BBX: variants seen among roughly 807,000 people sequenced by gnomAD.
BBX encodes BBX high mobility group box domain containing.
BBX carries 30 observed loss-of-function variants against 100.2 expected under a neutral mutation model. That is an observed-to-expected ratio of 0.30 (90% CI 0.22 to 0.41). The LOEUF (loss-of-function observed/expected upper bound fraction) is 0.41, where lower values mean the gene tolerates loss of function less well. Ranked by LOEUF, BBX falls within the 10% of genes least tolerant of loss-of-function variation. BBX has a pLI of 1.00. For missense variants in BBX, 1,023 were observed against 1,129.8 expected (o/e 0.91, Z 1.35); for synonymous variants, 376 against 388.1 (o/e 0.97, Z 0.37).
At chr3:107,711,358 G>T (rs190439408) in intron 4 of BBX, 1 of 470,774 alleles carries the variant, frequency 2.1e-6, no homozygotes, top group African/African-American at 2.0e-5. Flanking sequence ...ATGGTGCCTG[G>T]CACATAGTAG....
chr3:107,612,483 T>A (rs184890783), intron 2 of BBX, among the ~76,000 whole-genome samples: 283 of 152,302 alleles, frequency 1.9e-3, no homozygotes, highest in African/African-American at 6.2e-3. Flanking sequence ...ATGCTGTGGT[T>A]CTTGCAGATT....
At chr3:107,598,909 C>T (rs1559857589) in intron 2 of BBX, among the ~76,000 whole-genome samples, 1 of 152,132 alleles carries the variant, frequency 6.6e-6, no homozygotes, top group Non-Finnish European at 1.5e-5. Context: ...TTCTTACCCG[C>T]TGGCAGACAC....
intron 3 of BBX, among the ~76,000 whole-genome samples, chr3:107,704,980 C>T (rs2061309792): frequency 6.6e-6 from 1 of 152,142 alleles, no homozygotes; most frequent in South Asian, 2.1e-4. Flanking sequence ...AGGAGAAAGG[C>T]TTCAAATTTG....
At position 107,722,308 on chromosome 3, in the gene BBX, A is replaced by G. The variant is rs550151111; in HGVS notation, c.405+5459A>G. On this transcript the variant is annotated intron_variant, in intron 5 of 17. Transcript: ENST00000325805. ...AACTCATTTTGGTATTTGGTTTCAG[A>G]TGTTAATTTTTAGATTGACAGATCT... Among the ~76,000 whole-genome samples, 17 of 152,136 alleles carry G rather than the reference A, an allele frequency of 1.1e-4. No homozygotes were observed. The Middle Eastern group carries it at 0.01, about 91-fold the overall frequency.
chr3:107,766,579 C>A lies in BBX; in HGVS notation c.907-6049C>A, dbSNP rs1244985500. On this transcript the variant is annotated intron_variant, in intron 10 of 17. Coordinates refer to ENST00000325805, the MANE Select transcript of BBX (RefSeq NM_001142568.3). ...AGTGGGGGGCAAGGAAAATTATGAT[C>A]AAACCAAAAAGTATAGGTAAAAAAA... is the stretch of plus-strand genomic sequence containing the variant. 1.3e-5 allele frequency among the ~76,000 whole-genome samples: 2 copies of A among 151,660 alleles called. 1 individual carries two copies. Among genetic ancestry groups the A allele is most frequent in the Non-Finnish European group, 2.9e-5 (2 of 67,912 alleles).
intron 13 of BBX, among the ~76,000 whole-genome samples, chr3:107,783,519 T>G: frequency 6.6e-6 from 1 of 152,122 alleles, no homozygotes; most frequent in Non-Finnish European, 1.5e-5. Flanking sequence ...CAAATCATTT[T>G]GCTTCTGTGA....
At chr3:107,678,319 G>A (rs2059389904) in intron 3 of BBX, among the ~76,000 whole-genome samples, 2 of 152,038 alleles carry the variant, frequency 1.3e-5, no homozygotes, top group Non-Finnish European at 2.9e-5. Context: ...GAGAGCACTG[G>A]ATTAAAGCAG....
At chr3:107,718,076 A>T (rs959919871) in intron 5 of BBX, among the ~76,000 whole-genome samples, 14 of 151,586 alleles carry the variant, frequency 9.2e-5, no homozygotes, top group Non-Finnish European at 1.5e-4. Flanking sequence ...ATAAAAATTT[A>T]AAAAAATACC....
At chr3:107,643,687 TG>T (rs1334330192) in intron 2 of BBX, among the ~76,000 whole-genome samples, 2 of 152,190 alleles carry the variant, frequency 1.3e-5, no homozygotes, top group African/African-American at 4.8e-5. Flanking sequence ...CTGGCCCACC[TG>T]CCTTTCTGAT....
chr3:107,808,616 T>C lies in BBX; in HGVS notation c.*3159T>C, dbSNP rs2071173388. On this transcript the variant is annotated 3_prime_UTR_variant, in exon 18 of 18. Transcript: ENST00000325805. The stretch of plus-strand genomic sequence containing the variant: ...AGAAGCTGAGTGAAAGAAAAAATAC[T>C]GTAAGACATCCTTAAAGTTTTTATT... 1 of 152,210 alleles carries C rather than the reference T, an allele frequency of 6.6e-6. No individual in the cohort carries two copies. The highest frequency in any genetic ancestry group is 1.5e-5 in the Non-Finnish European group (1 of 68,040). 9.4% of individuals were successfully genotyped at this position (152,210 alleles called of 1,614,324 possible).
In BBX at chr3:107,809,894, A is replaced by C. The variant is rs948589532; in HGVS notation, c.*4437A>C. ...GTTTTGAGTTTTTGGATTTTTAAAAATTATCTTATTTAGATTGACTAACAG... is the reference window on the plus strand; with the variant it reads ...GTTTTGAGTTTTTGGATTTTTAAAACTTATCTTATTTAGATTGACTAACAG... On this transcript the variant is annotated 3_prime_UTR_variant, in exon 18 of 18. Transcript: ENST00000325805. 1 of 152,208 alleles carries C rather than the reference A, an allele frequency of 6.6e-6. No homozygotes were observed. The highest frequency in any genetic ancestry group is 1.5e-5 in the Non-Finnish European group (1 of 68,040). The allele number at this position is 152,208 out of a possible 1,614,324, so 9.4% of individuals were successfully genotyped here.
At chr3:107,592,110 A>G (rs1041100048) in intron 2 of BBX, among the ~76,000 whole-genome samples, 6 of 152,180 alleles carry the variant, frequency 3.9e-5, no homozygotes, top group African/African-American at 9.7e-5. Context: ...CCAGTTTAGT[A>G]TGACTTTCAT....
chr3:107,663,157 C>T (rs995880375), intron 3 of BBX, among the ~76,000 whole-genome samples: 3 of 152,128 alleles, frequency 2.0e-5, no homozygotes, highest in African/African-American at 7.2e-5. Context: ...ATTAGACTCT[C>T]TGTATGTCCC....
intron 3 of BBX, among the ~76,000 whole-genome samples, chr3:107,689,935 T>G (rs2060055879): frequency 6.6e-6 from 1 of 152,208 alleles, no homozygotes; most frequent in Non-Finnish European, 1.5e-5. Context: ...GAGGCGCCTC[T>G]CAAATGGGCA....
chr3:107,755,784 T>TTA, intron 10 of BBX, 106 bp downstream of exon 10: 1 of 928,630 alleles, frequency 1.1e-6, no homozygotes, highest in Non-Finnish European at 1.6e-6. Context: ...GACCATAAAA[T>TTA]GAGTTACATC....
chr3:107,740,046 A>G (rs886124337), intron 7 of BBX, among the ~76,000 whole-genome samples: 4 of 152,014 alleles, frequency 2.6e-5, no homozygotes, highest in Non-Finnish European at 5.9e-5. Flanking sequence ...GTGTTCTTCC[A>G]TTTAGCCAGA....
rs1041552506 is a variant in BBX, at chr3:107,659,836, G to A, written c.-10+13927G>A. The A allele has an allele frequency of 3.1e-6, 3 of 973,260 alleles. No individual in the cohort carries two copies. The East Asian group carries it at 2.0e-4, about 65-fold the overall frequency. 60.3% of individuals were successfully genotyped at this position (973,260 alleles called of 1,614,324 possible). A position where few individuals can be genotyped will look rare whatever the true frequency, so the allele number is the denominator to read the frequency against. On this transcript the variant is annotated intron_variant, in intron 3 of 17. Transcript: ENST00000325805. ...AGACTAGAAATGCTGTTCTAGAAAT[G>A]CATCAGTTCCTAGCAAGAGGTTTAT...
rs1013670568 is a variant in BBX, at chr3:107,805,845, CAAAACAAAAAA to C, written c.*399_*409del. 4 of 203,516 alleles carry C rather than the reference CAAAACAAAAAA, an allele frequency of 2.0e-5. No individual in the cohort carries two copies. Among genetic ancestry groups the C allele is most frequent in the Admixed American group, 5.8e-5 (1 of 17,260 alleles). 12.6% of individuals were successfully genotyped at this position (203,516 alleles called of 1,614,324 possible). On this transcript the variant is annotated 3_prime_UTR_variant, in exon 18 of 18. Transcript: ENST00000325805. ...ATATTACCTAGTTATTCTTTCAAAA[CAAAACAAAAAA>C]AAAACAAAAACTGACGCACTGCACT...
intron 13 of BBX, among the ~76,000 whole-genome samples, chr3:107,786,356 C>A (rs1197731050): frequency 1.3e-5 from 2 of 151,940 alleles, no homozygotes; most frequent in Non-Finnish European, 1.5e-5. Context: ...TCAGAAAAAA[C>A]AAAACAATCT....
Sources: allele counts gnomAD v4.1 joint callset (sites outside exome capture counted in the v4.1 genomes callset), GRCh38; gene constraint gnomAD v4.1.1; transcripts MANE v1.5; gene names NCBI Gene and HGNC (gene_info 2026-07-23, HGNC 2026-07-21).